The following MCC variants were observed in gnomAD, a reference collection of about 807,000 sequenced individuals.
MCC encodes MCC regulator of Wnt signaling pathway.
MCC carries 90 observed loss-of-function variants against 116.2 expected under a neutral mutation model. That is an observed-to-expected ratio of 0.77 (90% confidence interval 0.65 to 0.92). The LOEUF is 0.92. Among genes scored for constraint, MCC ranks in the 40% least tolerant of loss-of-function variants. The probability of loss-of-function intolerance (pLI) is 0.00; values close to 1 mark genes in which losing one functional copy is unlikely to be tolerated. For synonymous variants in MCC, 578 were observed against 510.5 expected (o/e 1.13, Z -1.78); for missense variants, 1,516 against 1,312.2 (o/e 1.16, Z -2.40).
At chr5:113,445,134 A>C (rs1771171697) in intron 1 of MCC, among the ~76,000 whole-genome samples, 1 of 152,156 alleles carries the variant, frequency 6.6e-6, no homozygotes, top group South Asian at 2.1e-4. Context: ...TCAGTTTCCA[A>C]GAAGGCTGAA....
At chr5:113,161,333 C>T (rs1760470713) in intron 3 of MCC, among the ~76,000 whole-genome samples, 1 of 152,056 alleles carries the variant, frequency 6.6e-6, no homozygotes, top group African/African-American at 2.4e-5. Flanking sequence ...ATGTGATTCC[C>T]CAGGCGGAAA....
At chr5:113,105,111 T>C (rs1756654102) in intron 6 of MCC, among the ~76,000 whole-genome samples, 1 of 152,244 alleles carries the variant, frequency 6.6e-6, no homozygotes, top group Non-Finnish European at 1.5e-5. Context: ...TAAAGTCAAA[T>C]ACAAATTTTG....
intron 2 of MCC, among the ~76,000 whole-genome samples, chr5:113,382,946 C>T (rs1416590255): frequency 3.3e-5 from 5 of 152,142 alleles, no homozygotes; most frequent in African/African-American, 1.2e-4. Flanking sequence ...TTTTATGAAT[C>T]ACCTCCTGTC....
chr5:113,028,890 C>T (rs1259696562), intron 18 of MCC, 44 bp downstream of exon 18: 2 of 1,601,038 alleles, frequency 1.2e-6, no homozygotes, highest in Non-Finnish European at 1.7e-6. Flanking sequence ...GTCCAAGTAC[C>T]ACAGGTGGAG....
intron 3 of MCC, among the ~76,000 whole-genome samples, chr5:113,213,160 G>T (rs866033061): frequency 6.6e-6 from 1 of 152,066 alleles, no homozygotes; most frequent in Non-Finnish European, 1.5e-5. Flanking sequence ...CTCTTTCCTA[G>T]GGTCTCTGCA....
At chr5:113,078,039 A>G (rs140280639) in intron 11 of MCC, among the ~76,000 whole-genome samples, 2,398 of 152,328 alleles carry the variant, frequency 0.016, 69 homozygotes, top group African/African-American at 0.055. Flanking sequence ...CTACACAAAT[A>G]AACTAGAAAA....
intron 16 of MCC, chr5:113,044,401 C>A (rs1751930807): frequency 1.4e-6 from 1 of 719,312 alleles, no homozygotes. Flanking sequence ...AGTGACCATG[C>A]CTGAGTGCTC....
chr5:113,142,355 G>T (rs186777048), intron 5 of MCC, among the ~76,000 whole-genome samples: 4 of 151,732 alleles, frequency 2.6e-5, no homozygotes, highest in African/African-American at 7.3e-5. Context: ...CCGGAGCATC[G>T]CCAGGAACAT....
intron 6 of MCC, among the ~76,000 whole-genome samples, chr5:113,108,329 C>T (rs1756869232): frequency 2.2e-5 from 1 of 45,304 alleles, no homozygotes; most frequent in Non-Finnish European, 3.6e-5. Context: ...AACACTCTAT[C>T]TTAAAAAAAA....
At chr5:113,162,295 T>G (rs1760532696) in intron 3 of MCC, among the ~76,000 whole-genome samples, 2 of 152,148 alleles carry the variant, frequency 1.3e-5, no homozygotes. Context: ...TTTGTCAAAA[T>G]GCAAAAACAA....
chr5:113,485,718 C>A (rs1325133769), intron 1 of MCC, among the ~76,000 whole-genome samples: 1 of 152,170 alleles, frequency 6.6e-6, no homozygotes, highest in Non-Finnish European at 1.5e-5. Context: ...CTGCCCCAAC[C>A]TAGATAGCCT....
In MCC at chr5:113,101,795, G is replaced by A. The variant is rs201797878; in HGVS notation, c.1342C>T (p.Arg448Trp). The A allele has an allele frequency of 1.7e-5, 28 of 1,613,398 alleles. No individual in the cohort carries two copies. In the East Asian group the frequency reaches 2.5e-4, roughly 14 times the overall value. Residue 448 changes from arginine (R) to tryptophan (W), a missense_variant, in exon 8 of 19, where the codon CGG becomes TGG. By Grantham distance (101) the Arg-to-Trp change is moderately radical (BLOSUM62 -3). Transcript: ENST00000408903. ...ATGGCATTCATGGTGGCCTTAGTCC[G>A]GTTCAGTTCTTCCTCTTTGCTGCAC... ...MLCSKEEELNRTKATMNAIRE... is the reference protein window; with the variant it reads ...MLCSKEEELNWTKATMNAIRE...
intron 1 of MCC, among the ~76,000 whole-genome samples, chr5:113,426,379 C>A (rs1561564728): frequency 6.6e-6 from 1 of 152,178 alleles, no homozygotes; most frequent in Non-Finnish European, 1.5e-5. Flanking sequence ...TAGTCCAAGA[C>A]TGGGTGCCAT....
At chr5:113,046,055 C>T (rs551282946) in intron 16 of MCC, among the ~76,000 whole-genome samples, 1 of 152,094 alleles carries the variant, frequency 6.6e-6, no homozygotes, top group East Asian at 1.9e-4. Flanking sequence ...AGATTTTATT[C>T]CAACAGTAAA....
chr5:113,071,788 C>G (rs1253726768), intron 11 of MCC, among the ~76,000 whole-genome samples: 2 of 152,200 alleles, frequency 1.3e-5, no homozygotes, highest in African/African-American at 4.8e-5. Context: ...GACCCCAAAT[C>G]CCATCCTCAT....
At chr5:113,348,133 C>T (rs1768177863) in intron 2 of MCC, among the ~76,000 whole-genome samples, 1 of 151,938 alleles carries the variant, frequency 6.6e-6, no homozygotes, top group Non-Finnish European at 1.5e-5. Context: ...TTTAACACCC[C>T]ATTTTCAGTG....
intron 1 of MCC, among the ~76,000 whole-genome samples, chr5:113,396,945 G>T (rs1769543598): frequency 1.3e-5 from 2 of 152,132 alleles, no homozygotes; most frequent in Admixed American, 1.3e-4. Context: ...AGTATTCAGT[G>T]AATCAACAGA....
chr5:113,064,495 T>C (rs1414777982), intron 13 of MCC, among the ~76,000 whole-genome samples: 1 of 152,216 alleles, frequency 6.6e-6, no homozygotes, highest in African/African-American at 2.4e-5. Flanking sequence ...TGGCTTCTCC[T>C]CCCATTCAGC....
At chr5:113,255,641 G>A (rs1426721791) in intron 3 of MCC, among the ~76,000 whole-genome samples, 2 of 152,156 alleles carry the variant, frequency 1.3e-5, no homozygotes, top group Non-Finnish European at 2.9e-5. Flanking sequence ...TTAATAGCCT[G>A]TCAAAGACCA....
Sources: gnomAD v4.1 joint callset for allele counts (sites outside exome capture counted in the v4.1 genomes callset) on GRCh38, gnomAD v4.1.1 for gene constraint, MANE v1.5 for transcripts, NCBI Gene and HGNC (gene_info 2026-07-23, HGNC 2026-07-21) for gene names.